ZMYM1: variants seen among roughly 807,000 people sequenced by gnomAD.
ZMYM1 encodes zinc finger MYM-type protein 1.
A neutral mutation model predicts 60.0 loss-of-function variants in ZMYM1; 39 were observed. That is an observed-to-expected ratio of 0.65 (90% CI 0.50 to 0.85). The LOEUF is 0.85. Ranked by LOEUF, ZMYM1 falls within the 40% of genes least tolerant of loss-of-function variation. The pLI, the probability that ZMYM1 is intolerant of heterozygous loss-of-function variation, is 0.00. For synonymous variants in ZMYM1, 413 were observed against 454.0 expected (o/e 0.91, Z 1.15); for missense variants, 1,171 against 1,309.5 (o/e 0.89, Z 1.63).
intron 4 of ZMYM1, among the ~76,000 whole-genome samples, chr1:35,100,699 A>AG (rs1347587954): frequency 1.3e-5 from 2 of 151,998 alleles, no homozygotes; most frequent in African/African-American, 4.8e-5. Flanking sequence ...TTAGTATCTC[A>AG]GTTGGAACCA....
chr1:35,073,331 A>AAGAC (rs1642103621), intron 1 of ZMYM1, among the ~76,000 whole-genome samples: 2 of 103,164 alleles, frequency 1.9e-5, no homozygotes, highest in South Asian at 6.9e-4. Context: ...GAAAGGGAGA[A>AAGAC]AGAAAGAAAG....
Position 35,115,010 on chromosome 1 carries a change from C to T in ZMYM1, c.3180C>T (p.His1060=), listed in dbSNP as rs1339854245. ...LGCLFIQHGL[H]SNIPCLSKLL... Reference sequence around the variant, plus strand: ...GTTTGTTTATTCAGCATGGTCTTCACAGTAATATTCCTTGTCTCTCAAAGC... The same window carrying T: ...GTTTGTTTATTCAGCATGGTCTTCATAGTAATATTCCTTGTCTCTCAAAGC... Residue 1060 remains histidine, a synonymous_variant, in exon 10 of 10, where the codon CAC becomes CAT. Coordinates refer to ENST00000359858, the MANE Select transcript of ZMYM1 (RefSeq NM_024772.5). 1 of 1,614,042 alleles carries T rather than the reference C, an allele frequency of 6.2e-7. No homozygotes were observed. Among genetic ancestry groups the T allele is most frequent in the East Asian group, 2.2e-5 (1 of 44,866 alleles).
upstream of ZMYM1, among the ~76,000 whole-genome samples, chr1:35,077,722 G>C (rs1642191345): frequency 6.6e-6 from 1 of 152,122 alleles, no homozygotes; most frequent in African/African-American, 2.4e-5. Flanking sequence ...TAACCAATCA[G>C]CGCTTCTGGC....
chr1:35,111,724 G>C (rs1429982707), intron 7 of ZMYM1, 48 bp from the exon 8 acceptor site: 2 of 1,511,262 alleles, frequency 1.3e-6, no homozygotes, highest in Non-Finnish European at 1.8e-6. Context: ...AGTACTTTCT[G>C]ATGATTGATT....
At chr1:35,082,809 G>C (rs192375244) in intron 1 of ZMYM1, among the ~76,000 whole-genome samples, 2 of 151,386 alleles carry the variant, frequency 1.3e-5, no homozygotes, top group Non-Finnish European at 2.9e-5. Context: ...GTGAAACCCC[G>C]TCTCTACTAA....
chr1:35,096,310 TAAAAAAAAAAAAAA>T (rs570507284), intron 3 of ZMYM1, among the ~76,000 whole-genome samples: 1 of 122,020 alleles, frequency 8.2e-6, no homozygotes. Flanking sequence ...AGACTCTGTC[TAAAAAAAAAAAAAA>T]AGAGAAGAAA....
intron 1 of ZMYM1, among the ~76,000 whole-genome samples, chr1:35,087,316 T>G (rs1642710916): frequency 6.6e-6 from 1 of 152,072 alleles, no homozygotes; most frequent in African/African-American, 2.4e-5. Context: ...TAACAGTAGT[T>G]TGAACCATCA....
intron 4 of ZMYM1, among the ~76,000 whole-genome samples, chr1:35,099,921 CA>C (rs149658456): frequency 6.6e-6 from 1 of 152,014 alleles, no homozygotes; most frequent in Non-Finnish European, 1.5e-5. Context: ...AGTCTCGTCT[CA>C]ATCTGTCACC....
chr1:35,081,899 G>T (rs1331821865), intron 1 of ZMYM1, among the ~76,000 whole-genome samples: 2 of 152,072 alleles, frequency 1.3e-5, no homozygotes, highest in Admixed American at 6.6e-5. Flanking sequence ...GTTTCACCAT[G>T]TTAGGCTGGT....
intron 1 of ZMYM1, among the ~76,000 whole-genome samples, chr1:35,087,889 G>A (rs56850596): frequency 2.0e-5 from 3 of 151,678 alleles, no homozygotes; most frequent in South Asian, 2.1e-4. Flanking sequence ...GGTGAAACCC[G>A]ATCTCTACTA....
At chr1:35,104,817 G>A in intron 6 of ZMYM1, 48 bp downstream of exon 6, 2 of 1,514,356 alleles carry the variant, frequency 1.3e-6, no homozygotes, top group African/African-American at 2.7e-5. Context: ...CCTATGAATG[G>A]TTTCACTCTA....
upstream of ZMYM1, among the ~76,000 whole-genome samples, chr1:35,074,602 T>C (rs1642132964): frequency 6.6e-6 from 1 of 151,770 alleles, no homozygotes; most frequent in Non-Finnish European, 1.5e-5. Context: ...AGACATGGGG[T>C]TTCACCATAT....
intron 1 of ZMYM1, among the ~76,000 whole-genome samples, chr1:35,081,944 C>G (rs1188288608): frequency 6.6e-6 from 1 of 152,212 alleles, no homozygotes; most frequent in African/African-American, 2.4e-5. Flanking sequence ...TCACCCATCT[C>G]TGCCTCCCAA....
intron 1 of ZMYM1, among the ~76,000 whole-genome samples, chr1:35,069,905 G>T (rs1642038511): frequency 6.6e-6 from 1 of 152,196 alleles, no homozygotes; most frequent in African/African-American, 2.4e-5. Context: ...GTAGGTGCAT[G>T]ACTTTATTTC....
rs577250708 is a variant in ZMYM1 at position 35,102,027 on chromosome 1, ATTG to A, written c.420-2265_420-2263del. ...CCCATATTTTTAAAAATTGATAAGT[ATTG>A]TTTTATCAGTTTTGCAAATCACTTT... is the stretch of plus-strand genomic sequence containing the variant. On this transcript the variant is annotated intron_variant, in intron 4 of 9. Coordinates refer to ENST00000359858, the MANE Select transcript of ZMYM1 (RefSeq NM_024772.5). Among the ~76,000 whole-genome samples the A allele has an allele frequency of 2.0e-4, 30 of 152,318 alleles. No individual in the cohort carries two copies. In the East Asian group the frequency reaches 5.2e-3, roughly 26 times the overall value.
At chr1:35,099,529 T>TA (rs749993089) in intron 4 of ZMYM1, among the ~76,000 whole-genome samples, 19 of 152,262 alleles carry the variant, frequency 1.2e-4, no homozygotes, top group Non-Finnish European at 2.5e-4. Flanking sequence ...AATTTTTTTA[T>TA]AAAAAATATT....
intron 1 of ZMYM1, among the ~76,000 whole-genome samples, chr1:35,067,373 T>C (rs1240619751): frequency 6.6e-6 from 1 of 151,964 alleles, no homozygotes; most frequent in African/African-American, 2.4e-5. Flanking sequence ...CTGCAACCTC[T>C]AACTCCTGTG....
Position 35,111,907 on chromosome 1 carries a change from T to C in ZMYM1, c.1097T>C (p.Leu366Ser), listed in dbSNP as rs1469139826. Residue 366 changes from leucine (L) to serine (S), a missense_variant, in exon 8 of 10, where the codon TTA becomes TCA. Leu to Ser is a moderately radical substitution (Grantham distance 145, BLOSUM62 -2). Transcript: ENST00000359858. ...TTGCCCATCATGAACACTGATGTCT[T>C]ACAAGGTAAAAGTTGATGTTAAGAT... The part of the protein sequence containing the change: ...VALPIMNTDV[L>S]QDTVSSVTAT... The C allele has an allele frequency of 7.6e-6, 12 of 1,586,548 alleles. No homozygotes were observed. The highest frequency in any genetic ancestry group is 1.0e-5 in the Non-Finnish European group (12 of 1,164,446).
At chr1:35,089,899 T>C (rs546029639) in intron 1 of ZMYM1, among the ~76,000 whole-genome samples, 1 of 148,034 alleles carries the variant, frequency 6.8e-6, no homozygotes, top group South Asian at 2.2e-4. Flanking sequence ...GTGCCCGATA[T>C]AAGGCTCTTT....
Sources: allele counts gnomAD v4.1 joint callset (sites outside exome capture counted in the v4.1 genomes callset), GRCh38; gene constraint gnomAD v4.1.1; transcripts MANE v1.5; gene names NCBI Gene and HGNC (gene_info 2026-07-23, HGNC 2026-07-21).